HCRTR2: variants seen among roughly 807,000 people sequenced by gnomAD.
HCRTR2 encodes hypocretin receptor 2, also known as orexin receptor type 2.
Under a neutral mutation model 49.0 loss-of-function variants are expected in HCRTR2, and 22 were observed. The ratio of observed to expected loss-of-function variants is 0.45; its 90% CI spans 0.32 to 0.64. The LOEUF (loss-of-function observed/expected upper bound fraction) is 0.64, where lower values mean the gene tolerates loss of function less well. Among genes scored for constraint, HCRTR2 ranks in the 30% least tolerant of loss-of-function variants. The probability of loss-of-function intolerance (pLI) is 0.04; values close to 1 mark genes in which losing one functional copy is unlikely to be tolerated. For missense variants in HCRTR2, 491 were observed against 559.4 expected (o/e 0.88, Z 1.23); for synonymous variants, 236 against 205.3 (o/e 1.15, Z -1.28).
At chr6:55,271,933 A>C (rs1766980906) in intron 4 of HCRTR2, among the ~76,000 whole-genome samples, 1 of 152,186 alleles carries the variant, frequency 6.6e-6, no homozygotes, top group African/African-American at 2.4e-5. Context: ...AAAACGATGT[A>C]ACTGCTTTGG....
At chr6:55,145,244 C>G (rs993530246) in intron 1 of HCRTR2, among the ~76,000 whole-genome samples, 5 of 152,114 alleles carry the variant, frequency 3.3e-5, no homozygotes, top group African/African-American at 1.2e-4. Flanking sequence ...TCATTTTCAC[C>G]TTAAAACAAG....
At chr6:55,117,014 A>G (rs1764127587) in intron 1 of HCRTR2, among the ~76,000 whole-genome samples, 1 of 151,816 alleles carries the variant, frequency 6.6e-6, no homozygotes, top group Non-Finnish European at 1.5e-5. Context: ...GAGAGAACCA[A>G]TGAAAAACCT....
chr6:55,268,268 A>C (rs1349151536), intron 4 of HCRTR2, among the ~76,000 whole-genome samples: 5 of 152,148 alleles, frequency 3.3e-5, no homozygotes, highest in Admixed American at 1.3e-4. Context: ...AAAATAAAGC[A>C]GTAGTGAGGA....
chr6:55,144,340 T>G (rs144154742), intron 1 of HCRTR2, among the ~76,000 whole-genome samples: 1 of 152,174 alleles, frequency 6.6e-6, no homozygotes, highest in Non-Finnish European at 1.5e-5. Context: ...GGTCTTGAAC[T>G]CCAGACCTCA....
At chr6:55,171,154 C>A (rs1293382134), upstream of HCRTR2, among the ~76,000 whole-genome samples, 2 of 152,084 alleles carry the variant, frequency 1.3e-5, no homozygotes, top group Non-Finnish European at 2.9e-5. Context: ...GAGGAATTGC[C>A]ACACTCTCTT....
chr6:55,134,402 T>A (rs1764405947), intron 1 of HCRTR2, among the ~76,000 whole-genome samples: 1 of 151,900 alleles, frequency 6.6e-6, no homozygotes, highest in South Asian at 2.1e-4. Context: ...TATATAGTTA[T>A]ATGATTAAAA....
intron 1 of HCRTR2, among the ~76,000 whole-genome samples, chr6:55,211,662 C>G (rs567981724): frequency 6.6e-6 from 1 of 152,238 alleles, no homozygotes; most frequent in East Asian, 1.9e-4. Context: ...GCCCTCTAGC[C>G]TTATTTGATT....
intron 3 of HCRTR2, among the ~76,000 whole-genome samples, chr6:55,255,851 G>A (rs1766643319): frequency 6.6e-6 from 1 of 152,088 alleles, no homozygotes; most frequent in African/African-American, 2.4e-5. Flanking sequence ...TGGGAACATG[G>A]CCAGAGTCAG....
intron 1 of HCRTR2, among the ~76,000 whole-genome samples, chr6:55,195,419 G>T (rs1209623545): frequency 6.6e-6 from 1 of 151,914 alleles, no homozygotes; most frequent in Non-Finnish European, 1.5e-5. Flanking sequence ...TAGAGAGAAG[G>T]TAACTGAAAC....
At chr6:55,123,736 G>A (rs74631768) in intron 1 of HCRTR2, among the ~76,000 whole-genome samples, 1 of 152,110 alleles carries the variant, frequency 6.6e-6, no homozygotes, top group African/African-American at 2.4e-5. Flanking sequence ...GTAGAATTCG[G>A]CTGTGAATCC....
At chr6:55,190,371 T>G (rs1421850660) in intron 1 of HCRTR2, among the ~76,000 whole-genome samples, 3 of 152,016 alleles carry the variant, frequency 2.0e-5, no homozygotes, top group African/African-American at 7.2e-5. Context: ...TTGATGGAGG[T>G]GCCATTTACT....
chr6:55,226,716 T>G (rs1272202754), intron 1 of HCRTR2, among the ~76,000 whole-genome samples: 4 of 131,334 alleles, frequency 3.0e-5, no homozygotes, highest in Non-Finnish European at 3.2e-5. Flanking sequence ...CAGGTGTTTT[T>G]TTTTTTTTTT....
chr6:55,215,626 T>G (rs578144688), intron 1 of HCRTR2, among the ~76,000 whole-genome samples: 1 of 152,278 alleles, frequency 6.6e-6, no homozygotes, highest in African/African-American at 2.4e-5. Flanking sequence ...TATAAAATTA[T>G]TAATGAATAC....
Position 55,188,854 on chromosome 6 carries a change from C to T in HCRTR2, c.223+14044C>T, listed in dbSNP as rs367760985. Among the ~76,000 whole-genome samples, 9 of 152,156 alleles carry T rather than the reference C, an allele frequency of 5.9e-5. No homozygotes were observed. In the South Asian group the frequency reaches 1.0e-3, roughly 18 times the overall value. ...TTTGACATGGGGAAAGAAATACCTT[C>T]TTCACTGAGGAGGTAGCATTTTGAG... On this transcript the variant is annotated intron_variant, in intron 1 of 6. Coordinates refer to ENST00000370862, the MANE Select transcript of HCRTR2 (RefSeq NM_001384272.1).
chr6:55,146,807 C>T (rs1320464238), intron 1 of HCRTR2, among the ~76,000 whole-genome samples: 1 of 152,066 alleles, frequency 6.6e-6, no homozygotes, highest in South Asian at 2.1e-4. Context: ...GAGTGGGGCC[C>T]ATGATGTTTC....
At chr6:55,284,214 A>T (rs887598570), downstream of HCRTR2, among the ~76,000 whole-genome samples, 8 of 152,154 alleles carry the variant, frequency 5.3e-5, no homozygotes, top group Admixed American at 5.2e-4. Flanking sequence ...AAAAGAGAGA[A>T]AAGGGAGAGA....
At chr6:55,249,909 T>C (rs1433367622) in intron 2 of HCRTR2, among the ~76,000 whole-genome samples, 1 of 152,086 alleles carries the variant, frequency 6.6e-6, no homozygotes, top group East Asian at 1.9e-4. Context: ...GTCTCCCAGA[T>C]GGTGCCTATA....
intron 1 of HCRTR2, among the ~76,000 whole-genome samples, chr6:55,197,731 C>T (rs1765442785): frequency 6.6e-6 from 1 of 152,106 alleles, no homozygotes; most frequent in Non-Finnish European, 1.5e-5. Context: ...ATGCCATTCT[C>T]CTGCCTCAGC....
At chr6:55,177,462 A>C (rs1238293576) in intron 1 of HCRTR2, among the ~76,000 whole-genome samples, 2 of 152,208 alleles carry the variant, frequency 1.3e-5, no homozygotes, top group African/African-American at 4.8e-5. Flanking sequence ...CTCTGGTATA[A>C]GTAATTTTGC....
Sources: gnomAD v4.1 joint callset for allele counts (sites outside exome capture counted in the v4.1 genomes callset) on GRCh38, gnomAD v4.1.1 for gene constraint, MANE v1.5 for transcripts, NCBI Gene and HGNC (gene_info 2026-07-23, HGNC 2026-07-21) for gene names.